Variants in PPEF1 observed in about 807,000 individuals in gnomAD.
PPEF1 encodes protein phosphatase with EF-hand domain 1.
PPEF1 carries 12 observed loss-of-function variants against 53.3 expected under a neutral mutation model. That is an observed-to-expected ratio of 0.23 (90% confidence interval 0.14 to 0.36). The LOEUF (loss-of-function observed/expected upper bound fraction) is 0.36. Among genes scored for constraint, PPEF1 ranks in the 10% least tolerant of loss-of-function variants. The probability of loss-of-function intolerance (pLI) is 1.00; values close to 1 mark genes in which losing one functional copy is unlikely to be tolerated. For synonymous variants in PPEF1, 165 were observed against 176.7 expected, an observed-to-expected ratio of 0.93 and a Z score of 0.52; for missense variants, 334 against 490.4, an observed-to-expected ratio of 0.68 and a Z score of 3.01.
intron 3 of PPEF1, among the ~76,000 whole-genome samples, chrX:18,737,885 CTTT>C (rs2045028636): frequency 9.0e-6 from 1 of 111,662 alleles, no homozygotes; most frequent in South Asian, 3.8e-4. Context: ...TAATGGCCTT[CTTT>C]GTCTCTTTTT....
intron 1 of PPEF1, among the ~76,000 whole-genome samples, chrX:18,729,126 T>C (rs1602387809): frequency 1.0e-5 from 1 of 95,800 alleles, no homozygotes; most frequent in East Asian, 3.0e-4. Context: ...CATGTGCTTT[T>C]TACCAGGCAT....
At chrX:18,807,704 G>C (rs1347622250) in intron 12 of PPEF1, among the ~76,000 whole-genome samples, 1 of 111,817 alleles carries the variant, frequency 8.9e-6, no homozygotes, top group Non-Finnish European at 1.9e-5. Context: ...CTGTTGCCCA[G>C]GCTGGAGTGC....
upstream of PPEF1, among the ~76,000 whole-genome samples, chrX:18,678,475 C>T (rs1448322238): frequency 3.6e-5 from 4 of 111,041 alleles, no homozygotes. Flanking sequence ...GAAAAAAGCT[C>T]TTAATTCCAC....
intron 13 of PPEF1, among the ~76,000 whole-genome samples, chrX:18,821,922 CCCT>C (rs757988812): frequency 1.7e-3 from 190 of 111,657 alleles, no homozygotes; most frequent in Middle Eastern, 9.2e-3. Flanking sequence ...TGAGATCAAG[CCCT>C]CATTGGTGAG....
intron 10 of PPEF1, among the ~76,000 whole-genome samples, chrX:18,797,057 C>T (rs1303439370): frequency 1.8e-5 from 2 of 111,130 alleles, no homozygotes; most frequent in Non-Finnish European, 3.8e-5. Flanking sequence ...ATCTTGCAGA[C>T]CCCACACACA....
chrX:18,746,678 T>C (rs1172985721), intron 3 of PPEF1, among the ~76,000 whole-genome samples: 2 of 111,972 alleles, frequency 1.8e-5, no homozygotes, highest in Admixed American at 9.5e-5. Flanking sequence ...GAAAATAAAA[T>C]GATTTTTGCT....
chrX:18,764,085 G>A (rs1364308638), intron 6 of PPEF1, among the ~76,000 whole-genome samples: 2 of 111,768 alleles, frequency 1.8e-5, no homozygotes, highest in East Asian at 2.8e-4. Flanking sequence ...GTGTCAGGGA[G>A]CAGGCTGACT....
chrX:18,716,328 T>G (rs1000350871), intron 1 of PPEF1, among the ~76,000 whole-genome samples: 3 of 109,684 alleles, frequency 2.7e-5, no homozygotes, highest in Non-Finnish European at 5.7e-5. Context: ...GTCAGGAGAT[T>G]GAGACCATCC....
chrX:18,756,473 C>T (rs947395470), intron 4 of PPEF1, among the ~76,000 whole-genome samples: 1 of 111,810 alleles, frequency 8.9e-6, no homozygotes, highest in South Asian at 3.7e-4. Flanking sequence ...AGCCACTGTG[C>T]CCGGCCCTAA....
At position 18,734,128 on chromosome X, in the gene PPEF1, TTTA is replaced by T. The variant is rs200557837; in HGVS notation, c.235+337_235+339del. Reference sequence around the variant, plus strand: ...CAGTAGCTTAGTAAAGGGAACCTTATTTATTATTATTATTATTATACTTTAAGT... The same window carrying T: ...CAGTAGCTTAGTAAAGGGAACCTTATTTATTATTATTATTATACTTTAAGT... On this transcript the variant is annotated intron_variant, in intron 3 of 15. Coordinates refer to ENST00000470157, the MANE Select transcript of PPEF1 (RefSeq NM_001377996.1). 1.8e-4 allele frequency among the ~76,000 whole-genome samples: 19 copies of T among 106,118 alleles called. 1 individual carries two copies. In the East Asian group the frequency reaches 4.3e-3, roughly 24 times the overall value. 92.2% of individuals were successfully genotyped at this position (106,118 alleles called of 115,157 possible).
In PPEF1 at chrX:18,783,911, A is replaced by C. The variant is rs762549729; in HGVS notation, c.775A>C (p.Arg259=). Residue 259 remains arginine (R), a synonymous_variant, in exon 9 of 16, where the codon AGA becomes CGA. Transcript: ENST00000470157. The part of the protein sequence containing the change: ...ILHKYKLHGK[R]ILQILEEFYA... ...CTCTTACTTACAGCTACATGGAAAA[A>C]GAATCTTACAAATCTTGGAAGAATT... The C allele has an allele frequency of 5.0e-6, 6 of 1,206,938 alleles. No individual in the cohort carries two copies. Among genetic ancestry groups the C allele is most frequent in the Non-Finnish European group, 4.5e-6 (4 of 893,807 alleles).
intron 1 of PPEF1, among the ~76,000 whole-genome samples, chrX:18,712,670 G>A (rs1226063448): frequency 8.9e-6 from 1 of 111,825 alleles, no homozygotes; most frequent in Non-Finnish European, 1.9e-5. Flanking sequence ...TGCAAGAGTA[G>A]CCATCCTTGT....
Position 18,783,955 on chromosome X carries a change from C to T in PPEF1, c.819C>T (p.Ile273=), listed in dbSNP as rs144002879. The part of the protein sequence containing the change: ...ILEEFYAWLP[I]GTIVDNEILV... ...AAGAATTCTATGCCTGGCTCCCAAT[C>T]GGTACAATCGTTGACAATGAAATCC... The change falls in exon 9 of 16, where the codon ATC becomes ATT. Residue 273 remains isoleucine, a synonymous_variant. Transcript: ENST00000470157. The T allele has an allele frequency of 2.1e-5, 25 of 1,205,962 alleles. No homozygotes were observed. Among genetic ancestry groups the T allele is most frequent in the South Asian group, 1.8e-4 (10 of 56,361 alleles).
intron 6 of PPEF1, among the ~76,000 whole-genome samples, chrX:18,764,220 T>A (rs2045723517): frequency 9.0e-6 from 1 of 110,930 alleles, no homozygotes. Flanking sequence ...GTATTGGCGA[T>A]GAGGTGGGCA....
At chrX:18,699,703 C>T (rs1405751379) in intron 5 of PPEF1, among the ~76,000 whole-genome samples, 2 of 111,370 alleles carry the variant, frequency 1.8e-5, no homozygotes, top group Non-Finnish European at 3.8e-5. Context: ...GGTCATTCTC[C>T]CTTCACAGGT....
upstream of PPEF1, among the ~76,000 whole-genome samples, chrX:18,703,124 C>G (rs1418826000): frequency 9.0e-6 from 1 of 110,746 alleles, no homozygotes; most frequent in Non-Finnish European, 1.9e-5. Context: ...CAAAGGCTCA[C>G]GCACTGCTTA....
intron 1 of PPEF1, among the ~76,000 whole-genome samples, chrX:18,725,390 T>C (rs907179477): frequency 1.8e-5 from 2 of 111,848 alleles, no homozygotes; most frequent in African/African-American, 6.5e-5. Context: ...CAGCTGGTGC[T>C]GGTATCTCCG....
chrX:18,810,076 CTGTGTGTGTGTGTGTGTGTG>C (rs199559695), intron 12 of PPEF1, among the ~76,000 whole-genome samples: 1 of 99,460 alleles, frequency 1.0e-5, no homozygotes, highest in Non-Finnish European at 2.0e-5. Flanking sequence ...AAAAAATCCT[CTGTGTGTGTGTGTGTGTGTG>C]TGTGTGTGTG....
intron 1 of PPEF1, among the ~76,000 whole-genome samples, chrX:18,708,582 A>G (rs1254230475): frequency 8.9e-6 from 1 of 112,302 alleles, no homozygotes; most frequent in Non-Finnish European, 1.9e-5. Flanking sequence ...TGTCTAGGTT[A>G]TAGGTAATTC....
Sources: allele counts gnomAD v4.1 joint callset (sites outside exome capture counted in the v4.1 genomes callset), GRCh38; gene constraint gnomAD v4.1.1; transcripts MANE v1.5; gene names NCBI Gene and HGNC (gene_info 2026-07-23, HGNC 2026-07-21).